Variants in FZD8 observed in about 807,000 individuals in gnomAD.
FZD8 encodes the protein frizzled class receptor 8.
In FZD8, 18 loss-of-function variants were observed where a neutral mutation model predicts 46.0. The observed-to-expected ratio is 0.39, with a 90% CI of 0.27 to 0.58. The LOEUF (loss-of-function observed/expected upper bound fraction) is 0.58. Ranked by LOEUF, FZD8 falls within the 20% of genes least tolerant of loss-of-function variation. The pLI, the probability that FZD8 is intolerant of heterozygous loss-of-function variation, is 0.55. For synonymous variants in FZD8, 586 were observed against 467.9 expected, an observed-to-expected ratio of 1.25 and a Z score of -3.26; for missense variants, 785 against 983.4, an observed-to-expected ratio of 0.80 and a Z score of 2.70.
rs752718227 is a variant in FZD8, at chr10:35,639,524, T to C, written c.1906A>G (p.Thr636Ala). The C allele has an allele frequency of 9.3e-6, 11 of 1,180,048 alleles. No homozygotes were observed. The highest frequency in any genetic ancestry group is 3.2e-4 in the Middle Eastern group (1 of 3,134). The allele number at this position is 1,180,048 out of a possible 1,614,324, so 73.1% of individuals were successfully genotyped here. Residue 636 changes from threonine to alanine, a missense_variant, in exon 1 of 1, where the codon ACG becomes GCG. Around this residue, in one of 5 missense-constraint regions of FZD8, gnomAD observed 185 missense variants for 180.8 expected, o/e 1.02. Transcript: ENST00000374694. ...GGCCCGCCGCCACCCCCCGCGGCCG[T>C]GGCGCCCGCGCCCCCGCCCACCGCG... ...GAAVGGGAGA[T>A]AAGGGGGPGG... is the part of the protein sequence containing the mutation.
In FZD8 at chr10:35,640,324, CCGCCCGCGCCCGCGCCCGCCGCGCCCG is replaced by C. The variant is rs771432320; in HGVS notation, c.1079_1105del (p.Ala360_Gly368del). The C allele has an allele frequency of 2.7e-6, 3 of 1,105,748 alleles. No individual in the cohort carries two copies. Among genetic ancestry groups the C allele is most frequent in the Non-Finnish European group, 3.3e-6 (3 of 902,074 alleles). The allele number at this position is 1,105,748 out of a possible 1,614,324, so 68.5% of individuals were successfully genotyped here. A position where few individuals can be genotyped will look rare whatever the true frequency, so the allele number is the denominator to read the frequency against. On this transcript the variant is annotated inframe_deletion, in exon 1 of 1. Transcript: ENST00000374694. ...CTCGTACTCGCCGCGCCCGCCCGGG[CCGCCCGCGCCCGCGCCCGCCGCGCCCG>C]CGCCCGCCGCCGCGCCGCCCGCGCC... is the stretch of plus-strand genomic sequence containing the variant.
At position 35,641,455 on chromosome 10, in the gene FZD8, C is replaced by A. The variant is rs752869092; in HGVS notation, c.-26G>T. 2 of 1,563,096 alleles carry A rather than the reference C, an allele frequency of 1.3e-6. No individual in the cohort carries two copies. Among genetic ancestry groups the A allele is most frequent in the South Asian group, 1.2e-5 (1 of 85,766 alleles). ...GCTGTGCGCCTCGGCCCGGTGCCCT[C>A]GCCCTCCAGGCGGCGCGCAGAGGGG... On this transcript the variant is annotated 5_prime_UTR_variant, in exon 1 of 1. Coordinates refer to ENST00000374694, the MANE Select transcript of FZD8 (RefSeq NM_031866.3). The surrounding 1 kb of genome is among the most constrained non-coding windows in gnomAD (Gnocchi z 6.3).
In FZD8 at chr10:35,639,764, G is replaced by C; in HGVS notation, c.1666C>G (p.His556Asp). The change falls in exon 1 of 1, where the codon CAC becomes GAC. Residue 556 changes from histidine to aspartate, a missense_variant. Physicochemically the swap from His to Asp is moderately conservative, Grantham distance 81 (BLOSUM62 -1). Around this residue, in one of 5 missense-constraint regions of FZD8, gnomAD observed 147 missense variants for 242.5 expected, o/e 0.61. Transcript: ENST00000374694. Reference sequence around the variant, plus strand: ...GTGGCCTCCCAGCGCGGGCGGTTGTGCTGCTCGTAGAAGAGGCAGGCGACC... The same window carrying C: ...GTGGCCTCCCAGCGCGGGCGGTTGTCCTGCTCGTAGAAGAGGCAGGCGACC... Reference protein sequence around the residue: ...VVVACLFYEQHNRPRWEATHN... With the variant: ...VVVACLFYEQDNRPRWEATHN... 1 of 1,601,006 alleles carries C rather than the reference G, an allele frequency of 6.2e-7. No individual in the cohort carries two copies. The highest frequency in any genetic ancestry group is 1.1e-5 in the South Asian group (1 of 91,072).
In FZD8 at chr10:35,640,107, G is replaced by A. The variant is rs1383628983; in HGVS notation, c.1323C>T (p.Phe441=). The A allele has an allele frequency of 6.2e-7, 1 of 1,612,538 alleles. No homozygotes were observed. The highest frequency in any genetic ancestry group is 8.5e-7 in the Non-Finnish European group (1 of 1,179,740). Residue 441 remains phenylalanine (F), a synonymous_variant, in exon 1 of 1, where the codon TTC becomes TTT. Coordinates refer to ENST00000374694, the MANE Select transcript of FZD8 (RefSeq NM_031866.3). ...TGGGCACAAGCCACGCGGCCAGGTG[G>A]AAGTACTGCGAGTAGCCGGCGATGG... ...NEAIAGYSQY[F]HLAAWLVPSV...
At position 35,641,669 on chromosome 10, in the gene FZD8, A is replaced by T; in HGVS notation, c.-240T>A. 1 of 488,850 alleles carries T rather than the reference A, an allele frequency of 2.0e-6. No homozygotes were observed. Among genetic ancestry groups the T allele is most frequent in the South Asian group, 2.9e-5 (1 of 34,840 alleles). The allele number at this position is 488,850 out of a possible 1,614,324, so 30.3% of individuals were successfully genotyped here. ...CCTTTCCGCCGCTCCGGGGGTTTGA[A>T]GGCGGCTGCAGGCGCGCGCCACAGT... On this transcript the variant is annotated 5_prime_UTR_variant, in exon 1 of 1. Coordinates refer to ENST00000374694, the MANE Select transcript of FZD8 (RefSeq NM_031866.3). This position sits in a 1 kb window ranked among gnomAD's most constrained non-coding sequence, Gnocchi z 6.3.
rs781057993 is a variant in FZD8 at position 35,641,115 on chromosome 10, C to A, written c.315G>T (p.Pro105=). ...ICLEDYKKPL[P]PCRSVCERAK... ...CGCGCTCGCACACCGAGCGGCAGGGCGGCAGCGGCTTCTTGTAGTCCTCTA... is the reference window on the plus strand; with the variant it reads ...CGCGCTCGCACACCGAGCGGCAGGGAGGCAGCGGCTTCTTGTAGTCCTCTA... Residue 105 remains proline (P), a synonymous_variant, in exon 1 of 1, where the codon CCG becomes CCT. Coordinates refer to ENST00000374694, the MANE Select transcript of FZD8 (RefSeq NM_031866.3). The surrounding 1 kb of genome is among the most constrained non-coding windows in gnomAD (Gnocchi z 6.3). The A allele has an allele frequency of 6.8e-6, 11 of 1,612,220 alleles. No individual in the cohort carries two copies. The highest frequency in any genetic ancestry group is 1.3e-5 in the African/African-American group (1 of 75,010).
chr10:35,641,542 C>G lies in FZD8; in HGVS notation c.-113G>C, dbSNP rs1254266207. The G allele has an allele frequency of 1.3e-5, 18 of 1,399,318 alleles. No individual in the cohort carries two copies. Among genetic ancestry groups the G allele is most frequent in the Non-Finnish European group, 1.7e-5 (18 of 1,064,836 alleles). The allele number at this position is 1,399,318 out of a possible 1,614,324, so 86.7% of individuals were successfully genotyped here. A position where few individuals can be genotyped will look rare whatever the true frequency, so the allele number is the denominator to read the frequency against. On this transcript the variant is annotated 5_prime_UTR_variant, in exon 1 of 1. Coordinates refer to ENST00000374694, the MANE Select transcript of FZD8 (RefSeq NM_031866.3). The surrounding 1 kb of genome is among the most constrained non-coding windows in gnomAD (Gnocchi z 6.3). ...GTACAGCGGGTGATCTGGGGTCTCC[C>G]TTATGCTTCGCCCGGGAGGGGGGTC...
rs1835841476 is a variant in FZD8 at position 35,640,617 on chromosome 10, C to T, written c.813G>A (p.Gln271=). 2 of 1,584,212 alleles carry T rather than the reference C, an allele frequency of 1.3e-6. No individual in the cohort carries two copies. Among genetic ancestry groups the T allele is most frequent in the East Asian group, 2.3e-5 (1 of 43,132 alleles). The change falls in exon 1 of 1, where the codon CAG becomes CAA. Residue 271 remains glutamine, a synonymous_variant. Transcript: ENST00000374694. ...ALPCHNPFFS[Q]DERAFTVFWI... is the part of the protein sequence containing the mutation. ...AGAAGACGGTGAAGGCGCGCTCGTC[C>T]TGGCTGAAAAAGGGGTTGTGGCAGG...
Position 35,639,513 on chromosome 10 carries a change from C to A in FZD8, c.1917G>T (p.Gly639=). ...CGCCGCCCCCCGGCCCGCCGCCACC[C>A]CCCGCGGCCGTGGCGCCCGCGCCCC... ...VGGGAGATAA[G]GGGGPGGGGG... is the part of the protein sequence containing the mutation. The change falls in exon 1 of 1, where the codon GGG becomes GGT. Residue 639 remains glycine, a synonymous_variant. Coordinates refer to ENST00000374694, the MANE Select transcript of FZD8 (RefSeq NM_031866.3). The A allele has an allele frequency of 1.8e-6, 2 of 1,096,136 alleles. No homozygotes were observed. The highest frequency in any genetic ancestry group is 4.9e-5 in the East Asian group (1 of 20,286). The allele number at this position is 1,096,136 out of a possible 1,614,324, so 67.9% of individuals were successfully genotyped here.
rs2135501994 is a variant in FZD8, at chr10:35,641,574, T to C, written c.-145A>G. ...TTCGCCCGGGAGGGGGGTCTGCCGA[T>C]AATCTAACCCCTTCTAGGGGCGCGT... On this transcript the variant is annotated 5_prime_UTR_variant, in exon 1 of 1. Transcript: ENST00000374694. This position sits in a 1 kb window ranked among gnomAD's most constrained non-coding sequence, Gnocchi z 6.3. 5 of 1,096,702 alleles carry C rather than the reference T, an allele frequency of 4.6e-6. No homozygotes were observed. Among genetic ancestry groups the C allele is most frequent in the Non-Finnish European group, 6.3e-6 (5 of 791,510 alleles). The allele number at this position is 1,096,702 out of a possible 1,614,324, so 67.9% of individuals were successfully genotyped here. A position where few individuals can be genotyped will look rare whatever the true frequency, so the allele number is the denominator to read the frequency against.
chr10:35,640,485 G>A lies in FZD8; in HGVS notation c.945C>T (p.Phe315=), dbSNP rs201218147. 63 of 1,581,486 alleles carry A rather than the reference G, an allele frequency of 4.0e-5. No individual in the cohort carries two copies. The highest frequency in any genetic ancestry group is 1.3e-4 in the South Asian group (11 of 87,944). ...ACACGAAGAGGTAGCAGGCCGAGAGGAAGATAATGGGCCGCTCCGGGTACT... is the reference window on the plus strand; with the variant it reads ...ACACGAAGAGGTAGCAGGCCGAGAGAAAGATAATGGGCCGCTCCGGGTACT... ...RFKYPERPII[F]LSACYLFVSV... is the part of the protein sequence containing the mutation. Residue 315 remains phenylalanine (F), a synonymous_variant, in exon 1 of 1, where the codon TTC becomes TTT. Coordinates refer to ENST00000374694, the MANE Select transcript of FZD8 (RefSeq NM_031866.3).
chr10:35,639,374 G>A lies in FZD8; in HGVS notation c.2056C>T (p.Pro686Ser), dbSNP rs755051376. 4 of 1,489,644 alleles carry A rather than the reference G, an allele frequency of 2.7e-6. No homozygotes were observed. The highest frequency in any genetic ancestry group is 2.5e-5 in the South Asian group (2 of 79,980). The allele number at this position is 1,489,644 out of a possible 1,614,324, so 92.3% of individuals were successfully genotyped here. The change falls in exon 1 of 1, where the codon CCA becomes TCA. Residue 686 changes from proline to serine, a missense_variant. By Grantham distance (74) the Pro-to-Ser change is moderately conservative. Transcript: ENST00000374694. ...ACCTGGGACAATGGCATCTGCTTTG[G>A]ATAAGACACGGAGCTCGCCGTGCCC... ...RSGTASSVSY[P>S]KQMPLSQV
chr10:35,640,551 G>A lies in FZD8; in HGVS notation c.879C>T (p.Phe293=). ...CGATAAGGAAGGTGGAGACGGTGGC[G>A]AAGGTGGACACGAAGCAGAGCACCG... ...LWSVLCFVST[F]ATVSTFLIDM... The change falls in exon 1 of 1, where the codon TTC becomes TTT. Residue 293 remains phenylalanine (F), a synonymous_variant. Transcript: ENST00000374694. The A allele has an allele frequency of 1.3e-6, 2 of 1,587,402 alleles. No individual in the cohort carries two copies. Among genetic ancestry groups the A allele is most frequent in the Admixed American group, 1.7e-5 (1 of 58,032 alleles).
Position 35,641,485 on chromosome 10 carries a change from G to GT in FZD8, c.-57_-56insA. 1 of 1,251,822 alleles carries GT rather than the reference G, an allele frequency of 8.0e-7. No individual in the cohort carries two copies. The highest frequency in any genetic ancestry group is 1.0e-6 in the Non-Finnish European group (1 of 976,408). 77.5% of individuals were successfully genotyped at this position (1,251,822 alleles called of 1,614,324 possible). ...TCCAGGCGGCGCGCAGAGGGGTGCC[G>GT]GGGGGGGGGCCCACGAGAGAGCCGC... is the stretch of plus-strand genomic sequence containing the variant. On this transcript the variant is annotated 5_prime_UTR_variant, in exon 1 of 1. Transcript: ENST00000374694. This position sits in a 1 kb window ranked among gnomAD's most constrained non-coding sequence, Gnocchi z 6.3.
Position 35,640,227 on chromosome 10 carries a change from C to T in FZD8, c.1203G>A (p.Leu401=), listed in dbSNP as rs377031138. Residue 401 remains leucine (L), a synonymous_variant, in exon 1 of 1, where the codon TTG becomes TTA. Transcript: ENST00000374694. Reference sequence around the variant, plus strand: ...TGGCCATGCCGAAGAAGTAGACCAGCAAGAAGACCACGGTGCACAGCGCGG... The same window carrying T: ...TGGCCATGCCGAAGAAGTAGACCAGTAAGAAGACCACGGTGCACAGCGCGG... The part of the protein sequence containing the change: ...TGPALCTVVF[L]LVYFFGMASS... 10 of 1,611,742 alleles carry T rather than the reference C, an allele frequency of 6.2e-6. No individual in the cohort carries two copies. Among genetic ancestry groups the T allele is most frequent in the Non-Finnish European group, 8.5e-6 (10 of 1,179,802 alleles).
chr10:35,641,178 G>A lies in FZD8; in HGVS notation c.252C>T (p.Leu84=), dbSNP rs760716685. The A allele has an allele frequency of 1.2e-6, 2 of 1,613,930 alleles. No homozygotes were observed. The highest frequency in any genetic ancestry group is 1.7e-6 in the Non-Finnish European group (2 of 1,179,896). Reference sequence around the variant, plus strand: ...TGTACATGCTGCACAGGAAGAACTTGAGATCGGGCGAGCACTGGATCTCCA... The same window carrying A: ...TGTACATGCTGCACAGGAAGAACTTAAGATCGGGCGAGCACTGGATCTCCA... ...PLVEIQCSPD[L]KFFLCSMYTP... is the part of the protein sequence containing the mutation. Residue 84 remains leucine, a synonymous_variant, in exon 1 of 1, where the codon CTC becomes CTT. Transcript: ENST00000374694. This position sits in a 1 kb window ranked among gnomAD's most constrained non-coding sequence, Gnocchi z 6.3.
Position 35,639,308 on chromosome 10 carries a change from C to T in FZD8, c.*37G>A, listed in dbSNP as rs770358804. ...TCGCTGCACTTGGCTCTCCTCGCCC[C>T]CCTCCCCACCCCTCCTGGGCGCCCC... is the stretch of plus-strand genomic sequence containing the variant. On this transcript the variant is annotated 3_prime_UTR_variant, in exon 1 of 1. Coordinates refer to ENST00000374694, the MANE Select transcript of FZD8 (RefSeq NM_031866.3). The T allele has an allele frequency of 5.7e-5, 47 of 818,198 alleles. 1 individual carries two copies. In the African/African-American group the frequency reaches 7.9e-4, roughly 14 times the overall value. 50.7% of individuals were successfully genotyped at this position (818,198 alleles called of 1,614,324 possible). A position where few individuals can be genotyped will look rare whatever the true frequency, so the allele number is the denominator to read the frequency against.
chr10:35,641,640 C>A lies in FZD8; in HGVS notation c.-211G>T. 1.7e-6 allele frequency: 1 copy of A among 604,818 alleles called. No homozygotes were observed. Among genetic ancestry groups the A allele is most frequent in the Non-Finnish European group, 2.8e-6 (1 of 356,902 alleles). 37.5% of individuals were successfully genotyped at this position (604,818 alleles called of 1,614,324 possible). On this transcript the variant is annotated 5_prime_UTR_variant, in exon 1 of 1. Coordinates refer to ENST00000374694, the MANE Select transcript of FZD8 (RefSeq NM_031866.3). The surrounding 1 kb of genome is among the most constrained non-coding windows in gnomAD (Gnocchi z 6.3). ...CCGCAGCCTGGGCAGGGCCCTTCCG[C>A]ACTCCTTTCCGCCGCTCCGGGGGTT...
rs1250908157 is a variant in FZD8, at chr10:35,640,804, G to C, written c.626C>G (p.Ala209Gly). ...GGGGDAAAPP[A>G]RGGGGGGKAR... ...CTTCCCGCCACCGCCGCCGCCGCGAGCTGGGGGCGCCGCCGCGTCCCCGCC... is the reference window on the plus strand; with the variant it reads ...CTTCCCGCCACCGCCGCCGCCGCGACCTGGGGGCGCCGCCGCGTCCCCGCC... The change falls in exon 1 of 1, where the codon GCT (alanine) becomes GGT (glycine). Residue 209 changes from alanine to glycine, a missense_variant. By Grantham distance (60) the Ala-to-Gly change is moderately conservative. Transcript: ENST00000374694. 1 of 1,021,638 alleles carries C rather than the reference G, an allele frequency of 9.8e-7. No homozygotes were observed. Among genetic ancestry groups the C allele is most frequent in the Non-Finnish European group, 1.2e-6 (1 of 855,050 alleles). The allele number at this position is 1,021,638 out of a possible 1,614,324, so 63.3% of individuals were successfully genotyped here.
Sources: gnomAD v4.1 joint callset for allele counts on GRCh38, gnomAD v4.1.1 for gene constraint, gnomAD v4.1.1 regional missense constraint, Gnocchi (gnomAD v3.1) non-coding constraint, MANE v1.5 for transcripts, NCBI Gene and HGNC (gene_info 2026-07-23, HGNC 2026-07-21) for gene names.